The following TUT4 variants were observed in gnomAD, a reference collection of about 807,000 sequenced individuals.
The protein encoded by TUT4 is terminal uridylyltransferase 4.
A neutral mutation model predicts 192.2 loss-of-function variants in TUT4; 36 were observed. That is an observed-to-expected ratio of 0.19 (90% confidence interval 0.14 to 0.25). The LOEUF (loss-of-function observed/expected upper bound fraction) is 0.25, where lower values mean the gene tolerates loss of function less well. TUT4 is among the 10% of genes least tolerant of loss of function. The pLI is 1.00. For missense variants in TUT4, 1,493 were observed against 1,957.2 expected, an observed-to-expected ratio of 0.76 and a Z score of 4.47; for synonymous variants, 618 against 666.0, an observed-to-expected ratio of 0.93 and a Z score of 1.11.
chr1:52,428,137 G>A (rs933049672), intron 28 of TUT4, among the ~76,000 whole-genome samples: 3 of 152,200 alleles, frequency 2.0e-5, no homozygotes, highest in African/African-American at 4.8e-5. Flanking sequence ...AAAAATCAAA[G>A]AGATATAAAA....
Position 52,547,689 on chromosome 1 carries a change from G to A in TUT4, c.-94+5242C>T, listed in dbSNP as rs1688436775. Among the ~76,000 whole-genome samples, 3 of 152,118 alleles carry A rather than the reference G, an allele frequency of 2.0e-5. No homozygotes were observed. The South Asian group carries it at 6.2e-4, about 32-fold the overall frequency. On this transcript the variant is annotated intron_variant, in intron 1 of 29. Coordinates refer to ENST00000257177, the MANE Select transcript of TUT4 (RefSeq NM_001009881.3). ...TCTCCATAGAAGGTAATACTATTCA[G>A]CCAGAAAAAAGCTAAAACATGCTAC...
chr1:52,475,843 G>T (rs1666937759), intron 12 of TUT4, among the ~76,000 whole-genome samples: 1 of 151,882 alleles, frequency 6.6e-6, no homozygotes, highest in South Asian at 2.1e-4. Flanking sequence ...TGTGGAAAAA[G>T]GAGTTTTTTT....
chr1:52,466,358 G>A (rs1664124900), intron 15 of TUT4, among the ~76,000 whole-genome samples: 2 of 151,940 alleles, frequency 1.3e-5, no homozygotes, highest in Admixed American at 1.3e-4. Context: ...AGATAAAAAA[G>A]AAGGCGAGGT....
At chr1:52,544,083 T>A (rs1193184071) in intron 1 of TUT4, among the ~76,000 whole-genome samples, 1 of 151,608 alleles carries the variant, frequency 6.6e-6, no homozygotes. Flanking sequence ...GGTCAGGAGA[T>A]GAGACCATCC....
chr1:52,469,396 G>A (rs1045712395), intron 14 of TUT4, among the ~76,000 whole-genome samples: 1 of 152,108 alleles, frequency 6.6e-6, no homozygotes, highest in Non-Finnish European at 1.5e-5. Flanking sequence ...AGTTAATAAA[G>A]TTGTTTCCCA....
At chr1:52,470,218 T>C (rs1665358501) in intron 14 of TUT4, among the ~76,000 whole-genome samples, 1 of 151,988 alleles carries the variant, frequency 6.6e-6, no homozygotes, top group Admixed American at 6.6e-5. Context: ...GATGGATATA[T>C]ATAAAAGGGA....
rs866739386 is a variant in TUT4, at chr1:52,520,642, A to T, written c.719-4588T>A. The stretch of plus-strand genomic sequence containing the variant: ...CCTCAAATATTCACCTGGCTGGTTC[A>T]CCTCTTTCCTTCAAGTATTTGCTCT... On this transcript the variant is annotated intron_variant, in intron 2 of 29. Transcript: ENST00000257177. 3.3e-5 allele frequency among the ~76,000 whole-genome samples: 5 copies of T among 152,150 alleles called. No homozygotes were observed. The South Asian group carries it at 1.0e-3, about 32-fold the overall frequency.
chr1:52,490,750 A>G lies in TUT4; in HGVS notation c.1370T>C (p.Val457Ala). ...SDFHAKVPVV[V>A]CRDRKSGLLC... ...TACCAACCTTTTTCGATCTCTGCAC[A>G]CCACAACAGGAACTTTAGCGTGAAA... The change falls in exon 8 of 30, where the codon GTG becomes GCG. Residue 457 changes from valine to alanine, a missense_variant. Around this residue, in one of 7 missense-constraint regions of TUT4, gnomAD observed 437 missense variants for 577.6 expected, o/e 0.76. Transcript: ENST00000257177. 6.2e-7 allele frequency: 1 copy of G among 1,612,766 alleles called. No individual in the cohort carries two copies. The highest frequency in any genetic ancestry group is 8.5e-7 in the Non-Finnish European group (1 of 1,179,552).
At chr1:52,492,523 C>T (rs1046437050) in intron 7 of TUT4, among the ~76,000 whole-genome samples, 4 of 152,256 alleles carry the variant, frequency 2.6e-5, no homozygotes, top group African/African-American at 9.6e-5. Flanking sequence ...CAAAAAGATA[C>T]AATGTAATAT....
chr1:52,499,635 C>G (rs1476833387), intron 4 of TUT4, among the ~76,000 whole-genome samples: 1 of 152,016 alleles, frequency 6.6e-6, no homozygotes, highest in East Asian at 1.9e-4. Flanking sequence ...ACTCAGGAGG[C>G]TGAGGTGAGG....
chr1:52,550,953 T>C (rs997884662), intron 1 of TUT4, among the ~76,000 whole-genome samples: 1 of 152,158 alleles, frequency 6.6e-6, no homozygotes, highest in African/African-American at 2.4e-5. Flanking sequence ...AAGATTAACT[T>C]TGAGATAAAA....
rs1662616476 is a variant in TUT4, at chr1:52,461,696, G to A, written c.3127+16C>T. On this transcript the variant is annotated intron_variant, in intron 17 of 29. Transcript: ENST00000257177. ...AAAATTTATTTTGTTTTACAGATAA[G>A]ATTCAAAATTCATACCTGGATGTCT... The A allele has an allele frequency of 7.8e-6, 12 of 1,529,998 alleles. No individual in the cohort carries two copies. In the South Asian group the frequency reaches 1.5e-4, roughly 19 times the overall value. The allele number at this position is 1,529,998 out of a possible 1,614,324, so 94.8% of individuals were successfully genotyped here.
chr1:52,499,889 G>C (rs1367463648), intron 4 of TUT4, among the ~76,000 whole-genome samples: 2 of 151,746 alleles, frequency 1.3e-5, no homozygotes, highest in African/African-American at 4.8e-5. Context: ...TGGCCAACAT[G>C]ATGAAACCCC....
intron 11 of TUT4, 49 bp from the exon 12 acceptor site, chr1:52,477,931 A>G (rs781689046): frequency 4.8e-6 from 7 of 1,470,826 alleles, no homozygotes; most frequent in Admixed American, 4.6e-5. Flanking sequence ...AACCATAAAA[A>G]TCAACAAATT....
Position 52,526,072 on chromosome 1 carries a change from A to C in TUT4, c.209T>G (p.Val70Gly). Residue 70 changes from valine (V) to glycine (G), a missense_variant, in exon 2 of 30, where the codon GTT becomes GGT. Transcript: ENST00000257177. ...GGCAGCATTTACTTTACATGATTTA[A>C]CTTCTGTTTTTTCTATACAAATATC... ...QNDICIEKTEVKSCKVNAANL... is the reference protein window; with the variant it reads ...QNDICIEKTEGKSCKVNAANL... 1 of 1,610,248 alleles carries C rather than the reference A, an allele frequency of 6.2e-7. No homozygotes were observed. The highest frequency in any genetic ancestry group is 8.5e-7 in the Non-Finnish European group (1 of 1,178,940).
chr1:52,455,667 G>C (rs1024029999), intron 20 of TUT4, among the ~76,000 whole-genome samples: 2 of 147,724 alleles, frequency 1.4e-5, no homozygotes. Context: ...GCAGGGGAGG[G>C]GGGGAGAGGG....
chr1:52,512,096 TAGC>T (rs1370750063), intron 3 of TUT4, among the ~76,000 whole-genome samples: 1 of 152,176 alleles, frequency 6.6e-6, no homozygotes, highest in Non-Finnish European at 1.5e-5. Context: ...TGTAAAATGT[TAGC>T]AGACCAAAGA....
At chr1:52,502,165 A>G (rs1674305850) in intron 4 of TUT4, among the ~76,000 whole-genome samples, 1 of 151,766 alleles carries the variant, frequency 6.6e-6, no homozygotes, top group African/African-American at 2.4e-5. Context: ...AAAACCTTCA[A>G]TGCGCCGGTA....
At chr1:52,511,475 T>C (rs1183504383) in intron 3 of TUT4, among the ~76,000 whole-genome samples, 1 of 152,198 alleles carries the variant, frequency 6.6e-6, no homozygotes, top group Non-Finnish European at 1.5e-5. Context: ...GAATTTACGT[T>C]ACAGTGTAAG....
Sources: gnomAD v4.1 joint callset for allele counts (sites outside exome capture counted in the v4.1 genomes callset) on GRCh38, gnomAD v4.1.1 for gene constraint, gnomAD v4.1.1 regional missense constraint, MANE v1.5 for transcripts, NCBI Gene and HGNC (gene_info 2026-07-23, HGNC 2026-07-21) for gene names.